The following MAP2K5 variants were observed in gnomAD, a reference collection of about 807,000 sequenced individuals.
MAP2K5 encodes dual specificity mitogen-activated protein kinase kinase 5.
A neutral mutation model predicts 83.1 loss-of-function variants in MAP2K5; 49 were observed. The ratio of observed to expected loss-of-function variants is 0.59; its 90% CI spans 0.47 to 0.75. The LOEUF (loss-of-function observed/expected upper bound fraction) is 0.75. Among genes scored for constraint, MAP2K5 ranks in the 30% least tolerant of loss-of-function variants. The probability of loss-of-function intolerance (pLI) is 0.00; values close to 1 mark genes in which losing one functional copy is unlikely to be tolerated. For synonymous variants in MAP2K5, 202 were observed against 191.8 expected, an observed-to-expected ratio of 1.05 and a Z score of -0.44; for missense variants, 457 against 557.5, an observed-to-expected ratio of 0.82 and a Z score of 1.82.
Position 67,757,837 on chromosome 15 carries a change from G to A in MAP2K5, c.1134+9236G>A, listed in dbSNP as rs1156280613. Among the ~76,000 whole-genome samples the A allele has an allele frequency of 1.3e-5, 2 of 152,126 alleles. No homozygotes were observed. The highest frequency in any genetic ancestry group is 2.9e-5 in the Non-Finnish European group (2 of 68,008). On this transcript the variant is annotated intron_variant, in intron 19 of 21. Coordinates refer to ENST00000178640, the MANE Select transcript of MAP2K5 (RefSeq NM_145160.3). This position sits in a 1 kb window ranked among gnomAD's most constrained non-coding sequence, Gnocchi z 4.9. ...ATATAAATTCTATAATTAAAGTGTG[G>A]CCAAGGTGCTGGGGAAACACAGAGG...
At chr15:67,679,905 C>G (rs2087773403) in intron 13 of MAP2K5, 1 of 152,120 alleles carries the variant, frequency 6.6e-6, no homozygotes, top group African/African-American at 2.4e-5. Context: ...GTTGTGCAAC[C>G]ATAACCATAA....
chr15:67,681,974 C>T (rs1367731195), intron 13 of MAP2K5, among the ~76,000 whole-genome samples: 3 of 152,168 alleles, frequency 2.0e-5, no homozygotes, highest in African/African-American at 7.2e-5. Flanking sequence ...TTTAATGACT[C>T]ATCTTTTCTG....
chr15:67,731,231 C>T (rs2089212757), intron 17 of MAP2K5, among the ~76,000 whole-genome samples: 1 of 152,156 alleles, frequency 6.6e-6, no homozygotes, highest in Non-Finnish European at 1.5e-5. Flanking sequence ...AGCTCAGTGT[C>T]AGTGCTGCTG....
chr15:67,794,103 C>T lies in MAP2K5; in HGVS notation c.1243-12543C>T, dbSNP rs1596985659. Among the ~76,000 whole-genome samples, 1 of 152,340 alleles carries T rather than the reference C, an allele frequency of 6.6e-6. No individual in the cohort carries two copies. Among genetic ancestry groups the T allele is most frequent in the Middle Eastern group, 3.4e-3 (1 of 294 alleles). On this transcript the variant is annotated intron_variant, in intron 21 of 21. Coordinates refer to ENST00000178640, the MANE Select transcript of MAP2K5 (RefSeq NM_145160.3). The surrounding 1 kb of genome is among the most constrained non-coding windows in gnomAD (Gnocchi z 4.6). ...GTGAAGGTGGCCAGCTTATTTGTAA[C>T]CAAAGTGTGCTCCCTCAGTCATTCA...
At chr15:67,621,360 G>GA (rs2086181710) in intron 8 of MAP2K5, among the ~76,000 whole-genome samples, 1 of 128,072 alleles carries the variant, frequency 7.8e-6, no homozygotes, top group African/African-American at 2.9e-5. Flanking sequence ...TCTAACTCAA[G>GA]AAAATCAAGA....
At chr15:67,549,968 G>T in intron 1 of MAP2K5, 66 bp from the exon 2 acceptor site, 1 of 1,172,544 alleles carries the variant, frequency 8.5e-7, no homozygotes, top group Non-Finnish European at 1.3e-6. Flanking sequence ...ATTTCCTGTA[G>T]GATTTGCCAC....
intron 8 of MAP2K5, among the ~76,000 whole-genome samples, chr15:67,607,872 T>G (rs2085815205): frequency 6.6e-6 from 1 of 152,178 alleles, no homozygotes; most frequent in Non-Finnish European, 1.5e-5. Context: ...TTCTAGTATA[T>G]TGGTTTGGCC....
In MAP2K5 at chr15:67,646,278, T is replaced by A. The variant is rs1212255958; in HGVS notation, c.633T>A (p.Ser211=). 1.4e-5 allele frequency: 20 copies of A among 1,454,340 alleles called. No individual in the cohort carries two copies. In the Admixed American group the frequency reaches 3.5e-4, roughly 26 times the overall value. 90.1% of individuals were successfully genotyped at this position (1,454,340 alleles called of 1,614,324 possible). A position where few individuals can be genotyped will look rare whatever the true frequency, so the allele number is the denominator to read the frequency against. Residue 211 remains serine (S), a synonymous_variant, in exon 10 of 22, where the codon TCT becomes TCA. Transcript: ENST00000178640. ...ITLELQKQIM[S]ELEILYKCDS... Reference sequence around the variant, plus strand: ...TGGAACTTCAGAAGCAAATTATGTCTGAATTGGAAATTCTTTATAAGGTAA... The same window carrying A: ...TGGAACTTCAGAAGCAAATTATGTCAGAATTGGAAATTCTTTATAAGGTAA...
intron 16 of MAP2K5, among the ~76,000 whole-genome samples, chr15:67,715,614 G>T (rs568984455): frequency 6.6e-6 from 1 of 152,068 alleles, no homozygotes. Context: ...CTCATATCAT[G>T]TATACACACA....
chr15:67,547,077 A>AACACACACACACAC (rs59269114), intron 1 of MAP2K5, among the ~76,000 whole-genome samples: 14,876 of 143,958 alleles, frequency 0.1, 869 homozygotes, highest in Non-Finnish European at 0.12. Context: ...AAAAGAAGAA[A>AACACACACACACAC]ACACACACAC....
rs200652843 is a variant in MAP2K5, at chr15:67,543,416, C to A, written c.81C>A (p.Gly27=). ...TTCGCATCAAGATCCCAAATAGTGGCGCGGTGGACTGGACAGTGCACTCCG... is the reference window on the plus strand; with the variant it reads ...TTCGCATCAAGATCCCAAATAGTGGAGCGGTGGACTGGACAGTGCACTCCG... ...LVIRIKIPNS[G]AVDWTVHSGP... is the part of the protein sequence containing the mutation. Residue 27 remains glycine (G), a synonymous_variant, in exon 1 of 22, where the codon GGC becomes GGA. Transcript: ENST00000178640. This position sits in a 1 kb window ranked among gnomAD's most constrained non-coding sequence, Gnocchi z 4.3. 1 of 1,613,980 alleles carries A rather than the reference C, an allele frequency of 6.2e-7. No homozygotes were observed. The highest frequency in any genetic ancestry group is 8.5e-7 in the Non-Finnish European group (1 of 1,180,002).
At chr15:67,603,189 C>T (rs1167228051) in intron 8 of MAP2K5, among the ~76,000 whole-genome samples, 2 of 152,222 alleles carry the variant, frequency 1.3e-5, no homozygotes, top group Admixed American at 6.5e-5. Flanking sequence ...CAGAACTCTT[C>T]GTCTTGTGTA....
At position 67,567,659 on chromosome 15, in the gene MAP2K5, C is replaced by T. The variant is rs375161489; in HGVS notation, c.252+4309C>T. 7.3e-4 allele frequency among the ~76,000 whole-genome samples: 111 copies of T among 152,230 alleles called. No homozygotes were observed. The East Asian group carries it at 0.012, about 17-fold the overall frequency. Reference sequence around the variant, plus strand: ...GATTACAGGCGTGAGCCACCGCGCCCGGCCTAAAGTATTTTTTTAATTAGA... The same window carrying T: ...GATTACAGGCGTGAGCCACCGCGCCTGGCCTAAAGTATTTTTTTAATTAGA... On this transcript the variant is annotated intron_variant, in intron 3 of 21. Transcript: ENST00000178640.
intron 4 of MAP2K5, 178 bp from the exon 5 acceptor site, chr15:67,585,712 C>T (rs945799603): frequency 2.9e-5 from 16 of 550,312 alleles, no homozygotes; most frequent in Non-Finnish European, 4.6e-5. Context: ...TATAAATGCT[C>T]ACTCCTGCAA....
At chr15:67,654,597 T>C (rs1204051365) in intron 11 of MAP2K5, among the ~76,000 whole-genome samples, 1 of 152,222 alleles carries the variant, frequency 6.6e-6, no homozygotes, top group African/African-American at 2.4e-5. Context: ...TCATGTTCTG[T>C]TGTTGCTTTC....
intron 13 of MAP2K5, among the ~76,000 whole-genome samples, chr15:67,679,536 T>C (rs1201839288): frequency 6.6e-6 from 1 of 152,220 alleles, no homozygotes; most frequent in Non-Finnish European, 1.5e-5. Flanking sequence ...TGAAATAATC[T>C]TAAATACACA....
At chr15:67,691,791 A>C (rs1359604040) in intron 13 of MAP2K5, among the ~76,000 whole-genome samples, 1 of 152,212 alleles carries the variant, frequency 6.6e-6, no homozygotes, top group Non-Finnish European at 1.5e-5. Flanking sequence ...GGTGAAATCT[A>C]TGTCAATTCT....
In MAP2K5 at chr15:67,587,021, C is replaced by T. The variant is rs368578387; in HGVS notation, c.431+108C>T. 1.5e-5 allele frequency: 16 copies of T among 1,051,928 alleles called. No homozygotes were observed. In the Admixed American group the frequency reaches 2.3e-4, roughly 15 times the overall value. 65.2% of individuals were successfully genotyped at this position (1,051,928 alleles called of 1,614,324 possible). A position where few individuals can be genotyped will look rare whatever the true frequency, so the allele number is the denominator to read the frequency against. On this transcript the variant is annotated intron_variant, in intron 6 of 21. Coordinates refer to ENST00000178640, the MANE Select transcript of MAP2K5 (RefSeq NM_145160.3). This position sits in a 1 kb window ranked among gnomAD's most constrained non-coding sequence, Gnocchi z 4.8. Reference sequence around the variant, plus strand: ...TTTGACCAGTTAGATAACCTAGCTACGTATTGACCAAAGAGAAAGGACCTC... The same window carrying T: ...TTTGACCAGTTAGATAACCTAGCTATGTATTGACCAAAGAGAAAGGACCTC...
In MAP2K5 at chr15:67,749,573, A is replaced by C. The variant is rs2089675480; in HGVS notation, c.1134+972A>C. Among the ~76,000 whole-genome samples the C allele has an allele frequency of 6.6e-6, 1 of 152,178 alleles. No individual in the cohort carries two copies. Among genetic ancestry groups the C allele is most frequent in the Non-Finnish European group, 1.5e-5 (1 of 68,036 alleles). On this transcript the variant is annotated intron_variant, in intron 19 of 21. Transcript: ENST00000178640. The surrounding 1 kb of genome is among the most constrained non-coding windows in gnomAD (Gnocchi z 4.6). ...TGGGAGAAAAAATAAAGATCCTCCTAGGAAAAAAATAAACACACACACACA... is the reference window on the plus strand; with the variant it reads ...TGGGAGAAAAAATAAAGATCCTCCTCGGAAAAAAATAAACACACACACACA...
Sources: gnomAD v4.1 joint callset for allele counts (sites outside exome capture counted in the v4.1 genomes callset) on GRCh38, gnomAD v4.1.1 for gene constraint, Gnocchi (gnomAD v3.1) non-coding constraint, MANE v1.5 for transcripts, NCBI Gene and HGNC (gene_info 2026-07-23, HGNC 2026-07-21) for gene names.